The following TTC29 variants were observed in gnomAD, a reference collection of about 807,000 sequenced individuals.
TTC29 encodes the protein tetratricopeptide repeat domain 29.
A neutral mutation model predicts 58.1 loss-of-function variants in TTC29; 49 were observed. The observed-to-expected ratio is 0.84, with a 90% CI of 0.67 to 1.07. The LOEUF (loss-of-function observed/expected upper bound fraction) is 1.07. Among genes scored for constraint, TTC29 ranks in the 50% least tolerant of loss-of-function variants. TTC29 has a pLI of 0.00. For missense variants in TTC29, 582 were observed against 555.6 expected, an observed-to-expected ratio of 1.05 and a Z score of -0.48; for synonymous variants, 209 against 196.8, an observed-to-expected ratio of 1.06 and a Z score of -0.52.
intron 11 of TTC29, among the ~76,000 whole-genome samples, chr4:146,723,076 G>A (rs754142390): frequency 1.3e-5 from 2 of 151,902 alleles, no homozygotes; most frequent in African/African-American, 2.4e-5. Flanking sequence ...GTGAAACCCC[G>A]TTTCTACTAA....
chr4:146,795,013 G>A (rs1461874282), intron 11 of TTC29, among the ~76,000 whole-genome samples: 2 of 152,054 alleles, frequency 1.3e-5, no homozygotes, highest in Admixed American at 6.6e-5. Context: ...ACTAACTTTA[G>A]TTTTTCCTAT....
intron 8 of TTC29, among the ~76,000 whole-genome samples, chr4:146,854,592 A>G (rs1729719718): frequency 6.6e-6 from 1 of 151,888 alleles, no homozygotes; most frequent in Admixed American, 6.6e-5. Context: ...TCCCCTCCAT[A>G]AGCCCTCTCT....
intron 11 of TTC29, among the ~76,000 whole-genome samples, chr4:146,788,816 G>A (rs1202125652): frequency 6.6e-6 from 1 of 152,124 alleles, no homozygotes; most frequent in Non-Finnish European, 1.5e-5. Flanking sequence ...GTTTCTTGGG[G>A]AAGTAAAACT....
chr4:146,911,370 GAC>G (rs1733887089), intron 4 of TTC29, among the ~76,000 whole-genome samples: 2 of 152,164 alleles, frequency 1.3e-5, no homozygotes, highest in African/African-American at 2.4e-5. Context: ...ACTGAAGGAA[GAC>G]ACAGCTAAAA....
intron 11 of TTC29, among the ~76,000 whole-genome samples, chr4:146,721,946 A>G (rs531135949): frequency 3.3e-5 from 5 of 152,298 alleles, no homozygotes; most frequent in African/African-American, 4.8e-5. Flanking sequence ...TGGAACTGAT[A>G]AACAACTTCA....
At chr4:146,825,231 G>A (rs1727699615) in intron 9 of TTC29, among the ~76,000 whole-genome samples, 1 of 151,980 alleles carries the variant, frequency 6.6e-6, no homozygotes, top group South Asian at 2.1e-4. Context: ...TTTCTCCTGT[G>A]GGCATTTAGT....
At chr4:146,725,704 G>A (rs1236891189) in intron 11 of TTC29, among the ~76,000 whole-genome samples, 1 of 152,062 alleles carries the variant, frequency 6.6e-6, no homozygotes, top group East Asian at 1.9e-4. Flanking sequence ...GTGTTTGCCT[G>A]CATCATTCTT....
At chr4:146,870,531 G>T (rs949841490) in intron 7 of TTC29, among the ~76,000 whole-genome samples, 14 of 151,586 alleles carry the variant, frequency 9.2e-5, no homozygotes, top group African/African-American at 3.4e-4. Context: ...AAACCATAGT[G>T]AAAATCAACA....
At chr4:146,912,105 T>TA (rs57636998) in intron 4 of TTC29, among the ~76,000 whole-genome samples, 61 of 150,070 alleles carry the variant, frequency 4.1e-4, no homozygotes, top group African/African-American at 6.3e-4. Context: ...GCTGATAAGC[T>TA]AAAAAAAAAA....
intron 11 of TTC29, among the ~76,000 whole-genome samples, chr4:146,778,624 TG>T (rs1748298172): frequency 6.6e-6 from 1 of 152,182 alleles, no homozygotes; most frequent in Non-Finnish European, 1.5e-5. Flanking sequence ...ATTGTTCAAA[TG>T]TGAGTACACA....
chr4:146,737,272 T>C (rs1037163407), intron 11 of TTC29, among the ~76,000 whole-genome samples: 2 of 152,110 alleles, frequency 1.3e-5, no homozygotes, highest in Non-Finnish European at 2.9e-5. Context: ...TGCATTAAAG[T>C]AGAACAAGTC....
intron 11 of TTC29, among the ~76,000 whole-genome samples, chr4:146,719,398 T>C (rs920662167): frequency 6.6e-6 from 1 of 152,200 alleles, no homozygotes; most frequent in South Asian, 2.1e-4. Flanking sequence ...AACTATTTCA[T>C]TGGAGATTCA....
At chr4:146,777,663 T>C (rs984805099) in intron 11 of TTC29, among the ~76,000 whole-genome samples, 1 of 152,228 alleles carries the variant, frequency 6.6e-6, no homozygotes, top group African/African-American at 2.4e-5. Context: ...CTTAGCACTA[T>C]AACTTAAGTA....
chr4:146,911,749 TG>T (rs988964890), intron 4 of TTC29, among the ~76,000 whole-genome samples: 1 of 152,190 alleles, frequency 6.6e-6, no homozygotes, highest in Admixed American at 6.5e-5. Context: ...GAAAGTGGGT[TG>T]GCACTGGCAT....
At chr4:146,921,557 GA>G (rs760447956) in intron 4 of TTC29, among the ~76,000 whole-genome samples, 1 of 150,252 alleles carries the variant, frequency 6.7e-6, no homozygotes, top group African/African-American at 2.4e-5. Flanking sequence ...AATTCAGGCA[GA>G]AAAAAATTAA....
chr4:146,843,156 T>C (rs1276594106), intron 8 of TTC29, among the ~76,000 whole-genome samples: 1 of 152,114 alleles, frequency 6.6e-6, no homozygotes, highest in Non-Finnish European at 1.5e-5. Flanking sequence ...TGGTGGAAGA[T>C]AATACACATG....
chr4:146,724,703 G>C (rs1055094675), intron 11 of TTC29, among the ~76,000 whole-genome samples: 13 of 151,882 alleles, frequency 8.6e-5, no homozygotes, highest in Non-Finnish European at 1.9e-4. Context: ...TAGTAGAGAC[G>C]GGGTTTCACC....
chr4:146,868,890 A>G (rs909135020), intron 7 of TTC29, among the ~76,000 whole-genome samples: 1 of 152,042 alleles, frequency 6.6e-6, no homozygotes, highest in African/African-American at 2.4e-5. Flanking sequence ...TCTTGGTGCC[A>G]TCCTTATGGT....
At chr4:146,762,672 A>T (rs894660950) in intron 11 of TTC29, among the ~76,000 whole-genome samples, 2 of 152,006 alleles carry the variant, frequency 1.3e-5, no homozygotes, top group Admixed American at 6.6e-5. Flanking sequence ...TAAAAACATG[A>T]TTCAAGTAAT....
Sources: gnomAD v4.1 joint callset for allele counts (sites outside exome capture counted in the v4.1 genomes callset) on GRCh38, gnomAD v4.1.1 for gene constraint, MANE v1.5 for transcripts, NCBI Gene and HGNC (gene_info 2026-07-23, HGNC 2026-07-21) for gene names.